The following AKAP19 variants were observed in gnomAD, a reference collection of about 807,000 sequenced individuals.
AKAP19 encodes the protein A-kinase anchoring protein 19.
At chr2:189,943,469 T>C in the AKAP19 span, among the ~76,000 whole-genome samples, 1 of 152,228 alleles carries the variant, frequency 6.6e-6, no homozygotes, top group African/African-American at 2.4e-5. Context: ...GGCAGAAGCC[T>C]GCTTCAGGGG....
the AKAP19 span, among the ~76,000 whole-genome samples, chr2:190,048,359 C>A: frequency 1.3e-5 from 2 of 152,172 alleles, no homozygotes; most frequent in Non-Finnish European, 2.9e-5. Context: ...AGGCTCTAGA[C>A]TAACTGACAC....
At chr2:189,983,069 G>T in the AKAP19 span, among the ~76,000 whole-genome samples, 2 of 152,178 alleles carry the variant, frequency 1.3e-5, no homozygotes. Context: ...GGGCTGACGG[G>T]TGGAAAGATA....
chr2:190,006,638 CAA>C, the AKAP19 span, among the ~76,000 whole-genome samples: 770 of 113,874 alleles, frequency 6.8e-3, 1 homozygote, highest in South Asian at 0.011. Flanking sequence ...GACTCTGTCT[CAA>C]AAAAAAAAAA....
the AKAP19 span, among the ~76,000 whole-genome samples, chr2:190,070,178 GT>G: frequency 6.6e-6 from 1 of 152,116 alleles, no homozygotes; most frequent in South Asian, 2.1e-4. Flanking sequence ...TCAATGAGCT[GT>G]TTTTGGCAAT....
chr2:189,886,062 GC>G, the AKAP19 span, among the ~76,000 whole-genome samples: 1 of 152,144 alleles, frequency 6.6e-6, no homozygotes, highest in East Asian at 1.9e-4. Context: ...ACCTGCCTCA[GC>G]CTCTCAAAGT....
the AKAP19 span, among the ~76,000 whole-genome samples, chr2:189,919,127 T>C: frequency 1.3e-5 from 2 of 152,214 alleles, no homozygotes; most frequent in African/African-American, 4.8e-5. Flanking sequence ...AGGCATCCAC[T>C]GAGGGTCCTG....
the AKAP19 span, among the ~76,000 whole-genome samples, chr2:190,078,133 C>T: frequency 6.6e-6 from 1 of 152,152 alleles, no homozygotes; most frequent in African/African-American, 2.4e-5. Context: ...ACCTAGTCTC[C>T]TCAGCGTTTC....
the AKAP19 span, among the ~76,000 whole-genome samples, chr2:190,124,590 G>T: frequency 6.6e-6 from 1 of 152,130 alleles, no homozygotes; most frequent in East Asian, 1.9e-4. Flanking sequence ...CACACCTGTA[G>T]CCCCAGCTAC....
At chr2:190,108,380 T>C in the AKAP19 span, among the ~76,000 whole-genome samples, 3 of 152,230 alleles carry the variant, frequency 2.0e-5, no homozygotes, top group South Asian at 2.1e-4. Flanking sequence ...GGTCTCACAC[T>C]CCTGACTTCA....
chr2:190,029,840 A>G, the AKAP19 span, among the ~76,000 whole-genome samples: 1 of 152,194 alleles, frequency 6.6e-6, no homozygotes, highest in Non-Finnish European at 1.5e-5. Flanking sequence ...CCATGCATAC[A>G]CACACAGACT....
chr2:189,993,922 C>T, the AKAP19 span, among the ~76,000 whole-genome samples: 1 of 151,298 alleles, frequency 6.6e-6, no homozygotes, highest in African/African-American at 2.4e-5. Flanking sequence ...TGTTAATGGT[C>T]TATCAATTTT....
At chr2:190,008,772 C>CA in the AKAP19 span, among the ~76,000 whole-genome samples, 1,574 of 34,204 alleles carry the variant, frequency 0.046, 12 homozygotes, top group Non-Finnish European at 0.12. Context: ...ACACACACAC[C>CA]CACCTGGTCT....
the AKAP19 span, among the ~76,000 whole-genome samples, chr2:190,198,374 C>T: frequency 6.6e-6 from 1 of 152,274 alleles, no homozygotes; most frequent in Admixed American, 6.5e-5. Flanking sequence ...GGCACAGTGG[C>T]TCACGCCAGT....
chr2:190,144,146 A>C, the AKAP19 span, among the ~76,000 whole-genome samples: 3 of 150,178 alleles, frequency 2.0e-5, no homozygotes, highest in Non-Finnish European at 4.4e-5. Flanking sequence ...CAATGTGCAC[A>C]TGTACCCTAA....
chr2:189,986,440 G>C, the AKAP19 span, among the ~76,000 whole-genome samples: 1 of 151,552 alleles, frequency 6.6e-6, no homozygotes, highest in Non-Finnish European at 1.5e-5. Flanking sequence ...GGAATCATCT[G>C]GGTCCCTGAA....
the AKAP19 span, among the ~76,000 whole-genome samples, chr2:189,950,654 A>T: frequency 6.6e-6 from 1 of 152,146 alleles, no homozygotes; most frequent in South Asian, 2.1e-4. Context: ...AAGTCATCAC[A>T]CTACATAAAC....
chr2:189,960,210 C>G, the AKAP19 span, among the ~76,000 whole-genome samples: 7 of 152,188 alleles, frequency 4.6e-5, no homozygotes, highest in Non-Finnish European at 1.0e-4. Context: ...ATGCCTAAAT[C>G]TTTCCTTGAC....
At chr2:189,965,113 T>C in the AKAP19 span, among the ~76,000 whole-genome samples, 3 of 152,106 alleles carry the variant, frequency 2.0e-5, no homozygotes, top group Non-Finnish European at 2.9e-5. Flanking sequence ...GGGTTCTAAA[T>C]TGGCCTAATA....
At chr2:190,179,462 A>G in the AKAP19 span, among the ~76,000 whole-genome samples, 4 of 152,198 alleles carry the variant, frequency 2.6e-5, no homozygotes, top group Non-Finnish European at 5.9e-5. This position sits in a 1 kb window ranked among gnomAD's most constrained non-coding sequence, Gnocchi z 6.0. Context: ...ATATAGGTAT[A>G]CTTACATTCT....
Sources: allele counts gnomAD v4.1 joint callset (sites outside exome capture counted in the v4.1 genomes callset), GRCh38; gene constraint gnomAD v4.1.1; non-coding constraint Gnocchi (gnomAD v3.1); transcripts MANE v1.5; gene names NCBI Gene and HGNC (gene_info 2026-07-23, HGNC 2026-07-21).